CFAP44: variants seen among roughly 807,000 people sequenced by gnomAD.
The protein encoded by CFAP44 is cilia- and flagella-associated protein 44.
A neutral mutation model predicts 216.2 loss-of-function variants in CFAP44; 134 were observed. The ratio of observed to expected loss-of-function variants is 0.62; its 90% confidence interval spans 0.54 to 0.72. The LOEUF is 0.72. Ranked by LOEUF, CFAP44 falls within the 30% of genes least tolerant of loss-of-function variation. CFAP44 has a pLI of 0.00. For synonymous variants in CFAP44, 700 were observed against 727.6 expected (o/e 0.96, Z 0.61); for missense variants, 2,035 against 2,182.1 (o/e 0.93, Z 1.34).
chr3:113,409,742 A>G (rs954733104), intron 6 of CFAP44, among the ~76,000 whole-genome samples: 1 of 152,210 alleles, frequency 6.6e-6, no homozygotes, highest in Non-Finnish European at 1.5e-5. Context: ...GGTTGGCACA[A>G]GATACAGGTC....
In CFAP44 at chr3:113,291,361, A is replaced by G; in HGVS notation, c.*196T>C. The stretch of plus-strand genomic sequence containing the variant: ...CTAAAATGATTCAGTTTCATAACAG[A>G]GGTTGGGTGCTGCAGTCAGTTCTAA... On this transcript the variant is annotated 3_prime_UTR_variant, in exon 35 of 35. Coordinates refer to ENST00000393845, the MANE Select transcript of CFAP44 (RefSeq NM_001164496.2). 3.5e-6 allele frequency: 2 copies of G among 565,222 alleles called. No homozygotes were observed. The highest frequency in any genetic ancestry group is 6.1e-6 in the Non-Finnish European group (2 of 326,038). The allele number at this position is 565,222 out of a possible 1,614,324, so 35.0% of individuals were successfully genotyped here.
At chr3:113,334,975 A>G (rs1950270318) in intron 24 of CFAP44, among the ~76,000 whole-genome samples, 1 of 152,188 alleles carries the variant, frequency 6.6e-6, no homozygotes. Context: ...TTAACTGATA[A>G]TCATTTATTT....
chr3:113,411,601 T>A (rs1421508543), intron 6 of CFAP44, among the ~76,000 whole-genome samples: 7 of 152,248 alleles, frequency 4.6e-5, no homozygotes, highest in Non-Finnish European at 1.5e-5. Flanking sequence ...CTTTGTTCTT[T>A]TGGCTTAGGA....
At chr3:113,338,431 C>T (rs747018486) in intron 24 of CFAP44, among the ~76,000 whole-genome samples, 6 of 151,844 alleles carry the variant, frequency 4.0e-5, no homozygotes, top group Non-Finnish European at 7.4e-5. Flanking sequence ...AGTAAAAGAG[C>T]GAACAATCCT....
At chr3:113,386,565 A>G (rs777557004) in intron 15 of CFAP44, among the ~76,000 whole-genome samples, 1 of 152,226 alleles carries the variant, frequency 6.6e-6, no homozygotes, top group Admixed American at 6.5e-5. Context: ...TGTACAATCA[A>G]TAAGTCTTCC....
In CFAP44 at chr3:113,333,603, C is replaced by T. The variant is rs778283363; in HGVS notation, c.3438-20G>A. ...TTGTATCTATTAGAAAAACAGACAA[C>T]CCCCCCACACACAAATATGACAATA... On this transcript the variant is annotated intron_variant, in intron 24 of 34. Transcript: ENST00000393845. The T allele has an allele frequency of 2.0e-6, 3 of 1,485,516 alleles. No individual in the cohort carries two copies. The highest frequency in any genetic ancestry group is 2.7e-6 in the Non-Finnish European group (3 of 1,124,260). 92.0% of individuals were successfully genotyped at this position (1,485,516 alleles called of 1,614,324 possible).
chr3:113,346,630 C>G (rs1950386143), intron 22 of CFAP44, among the ~76,000 whole-genome samples: 1 of 152,038 alleles, frequency 6.6e-6, no homozygotes, highest in Non-Finnish European at 1.5e-5. Context: ...TAAAAACACA[C>G]CAATCAGCGC....
rs982035850 is a variant in CFAP44, at chr3:113,440,332, A to G, written c.-6+1121T>C. Among the ~76,000 whole-genome samples the G allele has an allele frequency of 2.0e-5, 3 of 152,302 alleles. No homozygotes were observed. The East Asian group carries it at 5.8e-4, about 29-fold the overall frequency. On this transcript the variant is annotated intron_variant, in intron 1 of 34. Transcript: ENST00000393845. The stretch of plus-strand genomic sequence containing the variant: ...CACCTCCGCCTCCCAAAGTGCTGGG[A>G]TCACAGGCGTCAGCCACCGCGCACA...
Position 113,363,301 on chromosome 3 carries a change from C to G in CFAP44, c.2778G>C (p.Glu926Asp), listed in dbSNP as rs780047666. The G allele has an allele frequency of 1.2e-6, 2 of 1,602,688 alleles. No individual in the cohort carries two copies. Among genetic ancestry groups the G allele is most frequent in the South Asian group, 2.3e-5 (2 of 87,682 alleles). The change falls in exon 21 of 35, where the codon GAG becomes GAC. Residue 926 changes from glutamate to aspartate, a missense_variant. Physicochemically the swap from Glu to Asp is conservative, Grantham distance 45. This residue lies in a region of CFAP44 where 1,883 missense variants were observed against 2,023.7 expected (regional missense o/e 0.93). Coordinates refer to ENST00000393845, the MANE Select transcript of CFAP44 (RefSeq NM_001164496.2). ...DIEDPKAYSI[E>D]NARRKREHDK... Reference sequence around the variant, plus strand: ...CATGTTCTCTTTTTCTCCTAGCATTCTCGATACTGAAAACAGAAATTTAAA... The same window carrying G: ...CATGTTCTCTTTTTCTCCTAGCATTGTCGATACTGAAAACAGAAATTTAAA...
At chr3:113,410,483 CT>C (rs1934433770) in intron 6 of CFAP44, among the ~76,000 whole-genome samples, 1 of 152,094 alleles carries the variant, frequency 6.6e-6, no homozygotes, top group African/African-American at 2.4e-5. Flanking sequence ...TGAACTCATC[CT>C]TTTTTATGGC....
At chr3:113,413,172 CT>C (rs1934539796) in intron 6 of CFAP44, among the ~76,000 whole-genome samples, 1 of 151,960 alleles carries the variant, frequency 6.6e-6, no homozygotes, top group Non-Finnish European at 1.5e-5. Flanking sequence ...TAGATGTATT[CT>C]TTTGAGAAGT....
At chr3:113,425,798 A>G (rs1258514752) in intron 4 of CFAP44, among the ~76,000 whole-genome samples, 1 of 152,172 alleles carries the variant, frequency 6.6e-6, no homozygotes, top group Admixed American at 6.5e-5. Flanking sequence ...AAGATCATGC[A>G]TTTCTATCAA....
chr3:113,401,354 TC>T, intron 10 of CFAP44, 67 bp from the exon 11 acceptor site: 1 of 1,429,764 alleles, frequency 7.0e-7, no homozygotes, highest in Non-Finnish European at 9.5e-7. Context: ...AAATGTTCTT[TC>T]TATGTTTTAT....
intron 32 of CFAP44, among the ~76,000 whole-genome samples, chr3:113,299,845 T>C (rs890063390): frequency 1.3e-5 from 2 of 152,214 alleles, no homozygotes; most frequent in East Asian, 1.9e-4. Flanking sequence ...CTGGGCAACA[T>C]AGCAAGATCC....
chr3:113,410,722 C>T (rs1934442383), intron 6 of CFAP44, among the ~76,000 whole-genome samples: 1 of 152,192 alleles, frequency 6.6e-6, no homozygotes, highest in Non-Finnish European at 1.5e-5. Context: ...GGAATCACCA[C>T]ACTGTCTTCC....
At chr3:113,390,779 A>G (rs1933775234) in intron 15 of CFAP44, among the ~76,000 whole-genome samples, 1 of 152,170 alleles carries the variant, frequency 6.6e-6, no homozygotes. Context: ...ATAGAGATTA[A>G]CTTAACCAAA....
Position 113,404,033 on chromosome 3 carries a change from A to C in CFAP44, c.1006-17T>G, listed in dbSNP as rs748084304. ...TGAGAGCACCTGGCAGGTATGTGGAAAAAAGAAATGTGCATTAAAACAGGT... is the reference window on the plus strand; with the variant it reads ...TGAGAGCACCTGGCAGGTATGTGGACAAAAGAAATGTGCATTAAAACAGGT... On this transcript the variant is annotated splice_polypyrimidine_tract_variant and intron_variant, in intron 8 of 34. Coordinates refer to ENST00000393845, the MANE Select transcript of CFAP44 (RefSeq NM_001164496.2). 4 of 1,607,418 alleles carry C rather than the reference A, an allele frequency of 2.5e-6. No individual in the cohort carries two copies. The South Asian group carries it at 4.4e-5, about 18-fold the overall frequency.
At chr3:113,347,144 T>C (rs1359956749) in intron 22 of CFAP44, among the ~76,000 whole-genome samples, 2 of 152,154 alleles carry the variant, frequency 1.3e-5, no homozygotes, top group Admixed American at 6.5e-5. Flanking sequence ...CAGTTAAAAG[T>C]GACTAGCGTG....
intron 5 of CFAP44, 73 bp downstream of exon 5, chr3:113,419,944 T>C (rs767717460): frequency 4.0e-6 from 6 of 1,507,574 alleles, no homozygotes; most frequent in Non-Finnish European, 5.4e-6. Context: ...CTAACAACCA[T>C]GTTGGCTGGT....
Sources: gnomAD v4.1 joint callset for allele counts (sites outside exome capture counted in the v4.1 genomes callset) on GRCh38, gnomAD v4.1.1 for gene constraint, gnomAD v4.1.1 regional missense constraint, MANE v1.5 for transcripts, NCBI Gene and HGNC (gene_info 2026-07-23, HGNC 2026-07-21) for gene names.